ITFG1: variants seen among roughly 807,000 people sequenced by gnomAD.
The protein encoded by ITFG1 is T-cell immunomodulatory protein.
A neutral mutation model predicts 81.8 loss-of-function variants in ITFG1; 34 were observed. That is an observed-to-expected ratio of 0.42 (90% CI 0.32 to 0.55). ITFG1 has a LOEUF of 0.55. Among genes scored for constraint, ITFG1 ranks in the 20% least tolerant of loss-of-function variants. The pLI is 0.17. For synonymous variants in ITFG1, 285 were observed against 270.6 expected, an observed-to-expected ratio of 1.05 and a Z score of -0.52; for missense variants, 672 against 755.4, an observed-to-expected ratio of 0.89 and a Z score of 1.29.
chr16:47,251,717 T>C (rs1341966795), intron 12 of ITFG1, among the ~76,000 whole-genome samples: 1 of 152,244 alleles, frequency 6.6e-6, no homozygotes, highest in Admixed American at 6.5e-5. Flanking sequence ...ATGCTGTTTT[T>C]TCCTATATGT....
chr16:47,361,294 C>T (rs1425991963), intron 8 of ITFG1, among the ~76,000 whole-genome samples: 2 of 152,038 alleles, frequency 1.3e-5, no homozygotes, highest in Admixed American at 1.3e-4. Flanking sequence ...TGCTGACATT[C>T]TGTATAAGGT....
chr16:47,190,327 T>C (rs1965277022), intron 14 of ITFG1, among the ~76,000 whole-genome samples: 1 of 152,152 alleles, frequency 6.6e-6, no homozygotes, highest in Admixed American at 6.5e-5. Context: ...AGTTGCAAGA[T>C]AGGTTATTTT....
intron 3 of ITFG1, among the ~76,000 whole-genome samples, chr16:47,453,431 T>C (rs890634085): frequency 1.2e-4 from 19 of 152,224 alleles, no homozygotes; most frequent in Non-Finnish European, 1.8e-4. Flanking sequence ...AAACCAAAAA[T>C]AGCATTTTCC....
intron 12 of ITFG1, among the ~76,000 whole-genome samples, chr16:47,246,817 T>C (rs1966007233): frequency 6.6e-6 from 1 of 152,216 alleles, no homozygotes; most frequent in South Asian, 2.1e-4. Context: ...TTTAGTTTTC[T>C]TTTTTGAGAC....
chr16:47,307,679 G>A (rs1967191822), intron 10 of ITFG1, among the ~76,000 whole-genome samples: 1 of 152,126 alleles, frequency 6.6e-6, no homozygotes, highest in Non-Finnish European at 1.5e-5. Flanking sequence ...GGGTATATGT[G>A]CAAATTTATT....
At chr16:47,373,688 G>A (rs1361028540) in intron 7 of ITFG1, among the ~76,000 whole-genome samples, 1 of 152,166 alleles carries the variant, frequency 6.6e-6, no homozygotes, top group African/African-American at 2.4e-5. Flanking sequence ...ATACCAGCCA[G>A]GGTCATCCAC....
intron 8 of ITFG1, among the ~76,000 whole-genome samples, chr16:47,325,029 C>T (rs1398186562): frequency 1.3e-5 from 2 of 152,166 alleles, no homozygotes; most frequent in African/African-American, 2.4e-5. Context: ...ACAGAATATA[C>T]ATTCTTTTCA....
chr16:47,446,173 C>T (rs1320579696), intron 5 of ITFG1, among the ~76,000 whole-genome samples: 1 of 152,148 alleles, frequency 6.6e-6, no homozygotes. Context: ...TTTCCCTATC[C>T]AACTCTGAGC....
chr16:47,237,610 G>C (rs1025372950), intron 13 of ITFG1, among the ~76,000 whole-genome samples: 1 of 152,078 alleles, frequency 6.6e-6, no homozygotes, highest in African/African-American at 2.4e-5. Flanking sequence ...CCTATACCAG[G>C]TACACAAGAT....
chr16:47,288,901 G>T (rs751841067), intron 10 of ITFG1, among the ~76,000 whole-genome samples: 1 of 152,122 alleles, frequency 6.6e-6, no homozygotes, highest in Non-Finnish European at 1.5e-5. Context: ...TAAAAAAGGT[G>T]AAGTAAAATG....
intron 13 of ITFG1, among the ~76,000 whole-genome samples, chr16:47,233,769 C>T (rs1265347767): frequency 6.6e-6 from 1 of 152,214 alleles, no homozygotes; most frequent in Non-Finnish European, 1.5e-5. Flanking sequence ...GACACAGGTT[C>T]ACTAAAAGAG....
chr16:47,304,084 C>A (rs1967120488), intron 10 of ITFG1, among the ~76,000 whole-genome samples: 1 of 152,110 alleles, frequency 6.6e-6, no homozygotes. Context: ...AAATAAACAA[C>A]CCTTTGGGAT....
At chr16:47,173,627 A>G (rs1964986928) in intron 14 of ITFG1, among the ~76,000 whole-genome samples, 1 of 152,236 alleles carries the variant, frequency 6.6e-6, no homozygotes, top group African/African-American at 2.4e-5. Context: ...CATTAAAGGC[A>G]TTTGTGATAT....
chr16:47,213,335 A>C lies in ITFG1; in HGVS notation c.1453+5533T>G, dbSNP rs187591859. ...AAAATTTTTTAATTGCCCAGAACTC[A>C]GTCTATTTTAGTATATGCTCCATGG... is the stretch of plus-strand genomic sequence containing the variant. On this transcript the variant is annotated intron_variant, in intron 14 of 17. Transcript: ENST00000320640. 6.6e-5 allele frequency among the ~76,000 whole-genome samples: 10 copies of C among 152,268 alleles called. No individual in the cohort carries two copies. The East Asian group carries it at 1.9e-3, about 29-fold the overall frequency.
At chr16:47,189,490 C>T (rs527429741) in intron 14 of ITFG1, among the ~76,000 whole-genome samples, 3 of 152,270 alleles carry the variant, frequency 2.0e-5, no homozygotes, top group East Asian at 1.9e-4. Context: ...TGGCTGTATT[C>T]GCTTAGAATA....
chr16:47,359,267 C>G (rs150241193), intron 8 of ITFG1, among the ~76,000 whole-genome samples: 6 of 152,172 alleles, frequency 3.9e-5, no homozygotes, highest in African/African-American at 1.4e-4. Context: ...TGTGTCTCTC[C>G]AGAGCTTTTA....
At chr16:47,211,125 ATC>A (rs1419454086) in intron 14 of ITFG1, among the ~76,000 whole-genome samples, 3 of 152,172 alleles carry the variant, frequency 2.0e-5, no homozygotes, top group South Asian at 2.1e-4. Flanking sequence ...GAAAACTGAT[ATC>A]TCTCTCTGTT....
chr16:47,257,143 AT>A (rs1355464797), intron 12 of ITFG1, among the ~76,000 whole-genome samples: 2 of 152,236 alleles, frequency 1.3e-5, no homozygotes, highest in African/African-American at 2.4e-5. Context: ...GTAAATGAAA[AT>A]TCTAGCCAGC....
intron 6 of ITFG1, among the ~76,000 whole-genome samples, chr16:47,398,416 T>G (rs1340588220): frequency 1.3e-5 from 2 of 152,210 alleles, no homozygotes; most frequent in African/African-American, 4.8e-5. Flanking sequence ...CTTCAATTAT[T>G]TTAACCCTCC....
Sources: gnomAD v4.1 joint callset for allele counts (sites outside exome capture counted in the v4.1 genomes callset) on GRCh38, gnomAD v4.1.1 for gene constraint, MANE v1.5 for transcripts, NCBI Gene and HGNC (gene_info 2026-07-23, HGNC 2026-07-21) for gene names.